The following NTM variants were observed in gnomAD, a reference collection of about 807,000 sequenced individuals.
The protein encoded by NTM is neurotrimin.
In NTM, 13 loss-of-function variants were observed where a neutral mutation model predicts 42.1. The ratio of observed to expected loss-of-function variants is 0.31; its 90% CI spans 0.20 to 0.49. The LOEUF (loss-of-function observed/expected upper bound fraction) is 0.49. Ranked by LOEUF, NTM falls within the 20% of genes least tolerant of loss-of-function variation. The pLI, the probability that NTM is intolerant of heterozygous loss-of-function variation, is 0.99. For synonymous variants in NTM, 187 were observed against 179.2 expected (o/e 1.04, Z -0.35); for missense variants, 373 against 452.8 (o/e 0.82, Z 1.60).
At chr11:131,395,114 G>A (rs1482476603) in intron 1 of NTM, among the ~76,000 whole-genome samples, 1 of 152,118 alleles carries the variant, frequency 6.6e-6, no homozygotes, top group African/African-American at 2.4e-5. Flanking sequence ...ACCCCTGCCA[G>A]CACCTCTCAG....
chr11:132,157,682 A>G (rs1225818452), intron 3 of NTM, among the ~76,000 whole-genome samples: 1 of 152,102 alleles, frequency 6.6e-6, no homozygotes, highest in East Asian at 1.9e-4. Flanking sequence ...TTTTTTCTCC[A>G]CTATGTGTCT....
rs1566259844 is a variant in NTM, at chr11:132,134,739, A to ATC, written c.168-11542_168-11541insCT. On this transcript the variant is annotated intron_variant, in intron 2 of 8. Coordinates refer to ENST00000683400, the MANE Select transcript of NTM (RefSeq NM_001352005.2). ...TATATATATATATATATATATATAT[A>ATC]TATATATATATATATATATATCTCA... is the stretch of plus-strand genomic sequence containing the variant. Among the ~76,000 whole-genome samples the ATC allele has an allele frequency of 3.4e-4, 29 of 85,806 alleles. 2 individuals are homozygous for ATC. Among genetic ancestry groups the ATC allele is most frequent in the Admixed American group, 7.5e-4 (7 of 9,278 alleles). 56.3% of individuals were successfully genotyped at this position (85,806 alleles called of 152,430 possible).
intron 1 of NTM, among the ~76,000 whole-genome samples, chr11:131,515,892 C>T (rs756669439): frequency 2.0e-5 from 3 of 152,074 alleles, no homozygotes; most frequent in Non-Finnish European, 4.4e-5. Context: ...GGCTGGAAAA[C>T]GAGTCCATTC....
chr11:131,809,944 C>T (rs1349774433), intron 1 of NTM, among the ~76,000 whole-genome samples: 1 of 152,194 alleles, frequency 6.6e-6, no homozygotes, highest in Non-Finnish European at 1.5e-5. Flanking sequence ...TACGTGAATA[C>T]ACAACTTTTT....
intron 3 of NTM, among the ~76,000 whole-genome samples, chr11:132,174,782 C>T (rs957656462): frequency 6.6e-5 from 10 of 152,016 alleles, no homozygotes; most frequent in African/African-American, 1.4e-4. Context: ...AAACCACGAT[C>T]GCCTTGGATT....
intron 1 of NTM, among the ~76,000 whole-genome samples, chr11:131,819,364 G>A (rs998047026): frequency 5.9e-5 from 9 of 152,260 alleles, no homozygotes; most frequent in African/African-American, 2.2e-4. Flanking sequence ...ATTTTTAAAA[G>A]ATGCCCTAGA....
intron 1 of NTM, among the ~76,000 whole-genome samples, chr11:131,467,224 T>C (rs1417688216): frequency 6.6e-6 from 1 of 151,714 alleles, no homozygotes; most frequent in Non-Finnish European, 1.5e-5. Context: ...CCAAGAGGGG[T>C]AAGAAGGAGA....
chr11:131,745,489 C>T (rs2081703716), intron 1 of NTM, among the ~76,000 whole-genome samples: 1 of 152,188 alleles, frequency 6.6e-6, no homozygotes, highest in Non-Finnish European at 1.5e-5. Context: ...AGCCTTTTCC[C>T]TGGCTTAGTA....
intron 1 of NTM, among the ~76,000 whole-genome samples, chr11:131,761,090 A>C (rs935985311): frequency 1.4e-4 from 22 of 152,196 alleles, no homozygotes; most frequent in Admixed American, 5.2e-4. Context: ...GGAAGCGGGG[A>C]GGACAGAACT....
chr11:132,059,400 G>T lies in NTM; in HGVS notation c.168-86882G>T, dbSNP rs372936836. ...GCTGCCTCCAAGTAACAGTGCTTCA[G>T]GTGTTTACCTTTCCTCAAGTCATAG... On this transcript the variant is annotated intron_variant, in intron 2 of 8. Transcript: ENST00000683400. 2.6e-4 allele frequency among the ~76,000 whole-genome samples: 40 copies of T among 152,338 alleles called. No homozygotes were observed. In the South Asian group the frequency reaches 7.5e-3, roughly 28 times the overall value.
chr11:132,301,556 A>G (rs886137268), intron 4 of NTM, among the ~76,000 whole-genome samples: 1 of 152,146 alleles, frequency 6.6e-6, no homozygotes, highest in Non-Finnish European at 1.5e-5. Context: ...TCTGAGCAAA[A>G]CCATGCCTTC....
rs985740892 is a variant in NTM, at chr11:132,146,286, A to C, written c.172A>C (p.Thr58Pro). 10 of 1,614,064 alleles carry C rather than the reference A, an allele frequency of 6.2e-6. No homozygotes were observed. The highest frequency in any genetic ancestry group is 8.5e-6 in the Non-Finnish European group (10 of 1,180,048). ...RQGESATLRC[T>P]IDNRVTRVAW... ...CCTGTCTGGTCTTCCCTTCAGGTGC[A>C]CTATTGACAACCGGGTCACCCGGGT... is the stretch of plus-strand genomic sequence containing the variant. Residue 58 changes from threonine (T) to proline (P), a missense_variant, in exon 3 of 9, where the codon ACT becomes CCT. Transcript: ENST00000683400. The surrounding 1 kb of genome is among the most constrained non-coding windows in gnomAD (Gnocchi z 4.5).
chr11:132,240,796 T>G (rs1269947459), intron 4 of NTM, among the ~76,000 whole-genome samples: 1 of 152,240 alleles, frequency 6.6e-6, no homozygotes, highest in Non-Finnish European at 1.5e-5. Context: ...TAAAATGCGC[T>G]TTGGCATAAC....
chr11:132,045,151 T>G (rs1385636725), intron 2 of NTM, among the ~76,000 whole-genome samples: 1 of 152,194 alleles, frequency 6.6e-6, no homozygotes, highest in Non-Finnish European at 1.5e-5. Context: ...GTGTTTCATA[T>G]CAGGCTGTCT....
At chr11:132,131,756 G>A (rs1591714560) in intron 2 of NTM, among the ~76,000 whole-genome samples, 3 of 152,294 alleles carry the variant, frequency 2.0e-5, no homozygotes, top group East Asian at 1.9e-4. Context: ...AGATTTGTTA[G>A]AAAGGTCCCT....
Position 132,273,168 on chromosome 11 carries a change from G to GT in NTM, c.527-34517dup, listed in dbSNP as rs572965943. 2.1e-3 allele frequency among the ~76,000 whole-genome samples: 322 copies of GT among 151,884 alleles called. 1 individual carries two copies. Among genetic ancestry groups the GT allele is most frequent in the African/African-American group, 7.4e-3 (305 of 41,444 alleles). On this transcript the variant is annotated intron_variant, in intron 4 of 8. Coordinates refer to ENST00000683400, the MANE Select transcript of NTM (RefSeq NM_001352005.2). ...CTGCATCTCTTGAGATTATTGTGTGGTTTTGTACCTTATTCTGTTGAAATG... is the reference window on the plus strand; with the variant it reads ...CTGCATCTCTTGAGATTATTGTGTGGTTTTTGTACCTTATTCTGTTGAAATG...
intron 1 of NTM, among the ~76,000 whole-genome samples, chr11:131,808,926 T>C (rs1342894705): frequency 6.6e-6 from 1 of 152,252 alleles, no homozygotes; most frequent in Non-Finnish European, 1.5e-5. Context: ...GATCATTTCA[T>C]GTCTCAATTT....
At chr11:132,251,992 CAG>C (rs775852106) in intron 4 of NTM, among the ~76,000 whole-genome samples, 28 of 152,294 alleles carry the variant, frequency 1.8e-4, no homozygotes, top group Non-Finnish European at 3.4e-4. Context: ...TCCGCCCAGA[CAG>C]AGAGTGATGA....
chr11:132,321,239 G>C (rs1380785620), intron 7 of NTM, among the ~76,000 whole-genome samples: 3 of 152,110 alleles, frequency 2.0e-5, no homozygotes, highest in Admixed American at 6.5e-5. Context: ...AGCTACGGGA[G>C]GACATTTCAA....
Sources: allele counts gnomAD v4.1 joint callset (sites outside exome capture counted in the v4.1 genomes callset), GRCh38; gene constraint gnomAD v4.1.1; non-coding constraint Gnocchi (gnomAD v3.1); transcripts MANE v1.5; gene names NCBI Gene and HGNC (gene_info 2026-07-23, HGNC 2026-07-21).